Variants in FRMPD1 observed in about 807,000 individuals in gnomAD.
The protein encoded by FRMPD1 is FERM and PDZ domain containing 1.
FRMPD1 carries 76 observed loss-of-function variants against 117.8 expected under a neutral mutation model. That is an observed-to-expected ratio of 0.65 (90% CI 0.54 to 0.78). The LOEUF (loss-of-function observed/expected upper bound fraction) is 0.78. Ranked by LOEUF, FRMPD1 falls within the 30% of genes least tolerant of loss-of-function variation. FRMPD1 has a pLI of 0.00. For missense variants in FRMPD1, 1,786 were observed against 1,964.5 expected (o/e 0.91, Z 1.72); for synonymous variants, 783 against 770.4 (o/e 1.02, Z -0.27).
At chr9:37,645,561 C>T in the FRMPD1 span, among the ~76,000 whole-genome samples, 1 of 152,082 alleles carries the variant, frequency 6.6e-6, no homozygotes, top group Non-Finnish European at 1.5e-5. Flanking sequence ...CTATGATAAA[C>T]AGTCAAGCAA....
At chr9:37,701,688 C>T (rs559766942) in intron 2 of FRMPD1, among the ~76,000 whole-genome samples, 8 of 152,062 alleles carry the variant, frequency 5.3e-5, no homozygotes, top group African/African-American at 1.7e-4. Context: ...GAGTGATGGG[C>T]GGGAGCTGTA....
intron 1 of FRMPD1, among the ~76,000 whole-genome samples, chr9:37,659,934 AC>A (rs1414304467): frequency 2.2e-4 from 30 of 138,086 alleles, no homozygotes; most frequent in East Asian, 6.6e-4. Context: ...AAAAAAAAAA[AC>A]AAAACTGAGG....
the FRMPD1 span, among the ~76,000 whole-genome samples, chr9:37,634,105 C>A: frequency 1.3e-5 from 2 of 152,146 alleles, no homozygotes. Context: ...ATTAATTTAT[C>A]AATTTTAAAC....
rs35078007 is a variant in FRMPD1, at chr9:37,740,787, C to T, written c.2259C>T (p.Pro753=). ...CCCAGCCCAGTTCCATGCTGGAACC[C>T]CTGGCCCTGCACCCACCACTGGCCT... is the stretch of plus-strand genomic sequence containing the variant. The part of the protein sequence containing the change: ...TEAQPSSMLE[P]LALHPPLAFE... The change falls in exon 15 of 16, where the codon CCC becomes CCT. Residue 753 remains proline (P), a synonymous_variant. Coordinates refer to ENST00000377765, the MANE Select transcript of FRMPD1 (RefSeq NM_014907.3). The surrounding 1 kb of genome is among the most constrained non-coding windows in gnomAD (Gnocchi z 4.2). The T allele has an allele frequency of 5.6e-6, 9 of 1,614,068 alleles. No individual in the cohort carries two copies. The highest frequency in any genetic ancestry group is 5.0e-5 in the Admixed American group (3 of 60,028).
chr9:37,680,765 A>G (rs16934375), intron 1 of FRMPD1, among the ~76,000 whole-genome samples: 11,579 of 152,250 alleles, frequency 0.076, 980 homozygotes, highest in East Asian at 0.43. Flanking sequence ...TCTCTGGTCC[A>G]TGATAAACCG....
At chr9:37,735,904 A>G (rs1055173569) in intron 13 of FRMPD1, among the ~76,000 whole-genome samples, 170 bp downstream of exon 13, 3 of 152,062 alleles carry the variant, frequency 2.0e-5, no homozygotes, top group Non-Finnish European at 2.9e-5. Flanking sequence ...TAAATGGTAA[A>G]TTTTCCTGAA....
chr9:37,658,344 G>A (rs1014919308), intron 1 of FRMPD1, among the ~76,000 whole-genome samples: 6 of 152,210 alleles, frequency 3.9e-5, no homozygotes, highest in Non-Finnish European at 8.8e-5. Flanking sequence ...AGAGAGACCC[G>A]AGTGTCCTGG....
At chr9:37,713,669 T>C (rs1822995197) in intron 5 of FRMPD1, among the ~76,000 whole-genome samples, 1 of 152,078 alleles carries the variant, frequency 6.6e-6, no homozygotes, top group Admixed American at 6.6e-5. Context: ...TATAACTATA[T>C]ATAGTGTGTG....
chr9:37,716,978 G>C (rs1468335576), intron 5 of FRMPD1, among the ~76,000 whole-genome samples: 1 of 152,136 alleles, frequency 6.6e-6, no homozygotes, highest in Non-Finnish European at 1.5e-5. Context: ...TATCACTGTT[G>C]AGGATTGAGA....
chr9:37,697,194 A>G (rs1822349795), intron 2 of FRMPD1, among the ~76,000 whole-genome samples: 1 of 152,182 alleles, frequency 6.6e-6, no homozygotes, highest in Non-Finnish European at 1.5e-5. Flanking sequence ...TGAGACCTAT[A>G]GTTACAGGAA....
chr9:37,726,589 T>C (rs554455637), intron 7 of FRMPD1, among the ~76,000 whole-genome samples: 1 of 152,124 alleles, frequency 6.6e-6, no homozygotes, highest in Admixed American at 6.5e-5. Flanking sequence ...TCCCAGCTAC[T>C]TGGGAGGCTG....
chr9:37,613,982 T>C, the FRMPD1 span, among the ~76,000 whole-genome samples: 2 of 152,208 alleles, frequency 1.3e-5, no homozygotes, highest in Non-Finnish European at 2.9e-5. Flanking sequence ...ACTGAATAAA[T>C]AAATGAAAGA....
rs1423252491 is a variant in FRMPD1, at chr9:37,746,190, C to T, written c.4158C>T (p.His1386=). The T allele has an allele frequency of 1.9e-6, 3 of 1,613,270 alleles. No individual in the cohort carries two copies. The African/African-American group carries it at 4.0e-5, about 22-fold the overall frequency. Residue 1386 remains histidine, a synonymous_variant, in exon 16 of 16, where the codon CAC becomes CAT. Transcript: ENST00000377765. The stretch of plus-strand genomic sequence containing the variant: ...TGCCCTGGAGGCCTGCCCGAGCCCA[C>T]AGCTGCACCACCGCACCCCTGTCGA... ...VVLPWRPARA[H]SCTTAPLSRK... is the part of the protein sequence containing the mutation.
chr9:37,743,252 A>G (rs17508250), intron 15 of FRMPD1, among the ~76,000 whole-genome samples: 23,964 of 152,200 alleles, frequency 0.16, 2,077 homozygotes, highest in Admixed American at 0.21. Flanking sequence ...GTGAATACCT[A>G]ATGAGGCAGA....
chr9:37,660,529 A>G (rs1406617565), intron 1 of FRMPD1, among the ~76,000 whole-genome samples: 2 of 152,196 alleles, frequency 1.3e-5, no homozygotes, highest in Non-Finnish European at 2.9e-5. Context: ...CACTGCTTAG[A>G]GACCTCCGCT....
At chr9:37,742,295 C>T (rs932209313) in intron 15 of FRMPD1, among the ~76,000 whole-genome samples, 2 of 152,196 alleles carry the variant, frequency 1.3e-5, no homozygotes, top group African/African-American at 2.4e-5. Flanking sequence ...GCCATTGTGC[C>T]GGGGGGCAGG....
intron 2 of FRMPD1, among the ~76,000 whole-genome samples, chr9:37,696,028 G>T (rs979915145): frequency 1.6e-5 from 2 of 128,552 alleles, no homozygotes; most frequent in African/African-American, 6.0e-5. Flanking sequence ...TTCTTTCCTT[G>T]CTCACCGTTC....
Position 37,732,406 on chromosome 9 carries a change from G to A in FRMPD1, c.961G>A (p.Ala321Thr), listed in dbSNP as rs778705724. 6.2e-7 allele frequency: 1 copy of A among 1,613,582 alleles called. No individual in the cohort carries two copies. Among genetic ancestry groups the A allele is most frequent in the South Asian group, 1.1e-5 (1 of 91,064 alleles). ...LHIQERIYAC[A>T]QPQKISLKYI... is the part of the protein sequence containing the mutation. ...CATCCAGGAACGGATCTACGCCTGTGCCCAGCCACAGAAGATCTCTTTAAA... is the reference window on the plus strand; with the variant it reads ...CATCCAGGAACGGATCTACGCCTGTACCCAGCCACAGAAGATCTCTTTAAA... The change falls in exon 10 of 16, where the codon GCC (alanine) becomes ACC (threonine). Residue 321 changes from alanine (A) to threonine (T), a missense_variant. Physicochemically the swap from Ala to Thr is moderately conservative, Grantham distance 58. Transcript: ENST00000377765.
the FRMPD1 span, among the ~76,000 whole-genome samples, chr9:37,641,906 A>C: frequency 6.6e-6 from 1 of 152,210 alleles, no homozygotes; most frequent in African/African-American, 2.4e-5. Context: ...TGAATATAGA[A>C]TCCTACCAAA....
Sources: gnomAD v4.1 joint callset for allele counts (sites outside exome capture counted in the v4.1 genomes callset) on GRCh38, gnomAD v4.1.1 for gene constraint, Gnocchi (gnomAD v3.1) non-coding constraint, MANE v1.5 for transcripts, NCBI Gene and HGNC (gene_info 2026-07-23, HGNC 2026-07-21) for gene names.